TIMP2: variants seen among roughly 807,000 people sequenced by gnomAD.
TIMP2 encodes metalloproteinase inhibitor 2.
In TIMP2, 5 loss-of-function variants were observed where a neutral mutation model predicts 24.3. That is an observed-to-expected ratio of 0.21 (90% confidence interval 0.11 to 0.43). The LOEUF (loss-of-function observed/expected upper bound fraction) is 0.43. Among genes scored for constraint, TIMP2 ranks in the 20% least tolerant of loss-of-function variants. The pLI, the probability that TIMP2 is intolerant of heterozygous loss-of-function variation, is 1.00. For synonymous variants in TIMP2, 130 were observed against 123.2 expected, an observed-to-expected ratio of 1.06 and a Z score of -0.37; for missense variants, 221 against 297.5, an observed-to-expected ratio of 0.74 and a Z score of 1.89.
chr17:78,895,806 G>A (rs921375774), intron 1 of TIMP2, among the ~76,000 whole-genome samples: 1 of 152,176 alleles, frequency 6.6e-6, no homozygotes, highest in African/African-American at 2.4e-5. Flanking sequence ...ATGCCCCTCT[G>A]TGTGTCTCGG....
At position 78,873,800 on chromosome 17, in the gene TIMP2, T is replaced by A. The variant is rs2069705921; in HGVS notation, c.231+19A>T. 1 of 1,604,476 alleles carries A rather than the reference T, an allele frequency of 6.2e-7. No individual in the cohort carries two copies. Among genetic ancestry groups the A allele is most frequent in the East Asian group, 2.2e-5 (1 of 44,810 alleles). On this transcript the variant is annotated intron_variant, in intron 2 of 4. Coordinates refer to ENST00000262768, the MANE Select transcript of TIMP2 (RefSeq NM_003255.5). ...GCTGTGCCCACAGTGCAGCCCGGGATGCCGGCAGCCACTATTACCTTTATC... is the reference window on the plus strand; with the variant it reads ...GCTGTGCCCACAGTGCAGCCCGGGAAGCCGGCAGCCACTATTACCTTTATC...
Position 78,891,053 on chromosome 17 carries a change from G to T in TIMP2, c.131-17134C>A. ...CTGGTCTTGAAGGTGGAGCTGAAGG[G>T]AGCCCTCTGCCAGCGTGCCCAGTTT... is the stretch of plus-strand genomic sequence containing the variant. On this transcript the variant is annotated intron_variant, in intron 1 of 4. Transcript: ENST00000262768. This position sits in a 1 kb window ranked among gnomAD's most constrained non-coding sequence, Gnocchi z 4.5. The T allele has an allele frequency of 6.4e-7, 1 of 1,551,082 alleles. No homozygotes were observed.
At chr17:78,877,502 T>G (rs1432394069) in intron 1 of TIMP2, among the ~76,000 whole-genome samples, 1 of 151,880 alleles carries the variant, frequency 6.6e-6, no homozygotes, top group East Asian at 2.0e-4. Context: ...TGAGCTGAGA[T>G]CATGCCACTG....
intron 1 of TIMP2, chr17:78,897,082 G>T (rs1007752584): frequency 1.2e-6 from 1 of 816,642 alleles, no homozygotes; most frequent in Non-Finnish European, 1.5e-6. Context: ...AAGTGCCAGG[G>T]CCCACAGACA....
At chr17:78,857,498 C>T in intron 4 of TIMP2, 24 bp downstream of exon 4, 1 of 1,613,910 alleles carries the variant, frequency 6.2e-7, no homozygotes, top group Non-Finnish European at 8.5e-7. Flanking sequence ...AGGCGATGCT[C>T]CAGCAGAGGC....
At chr17:78,919,225 T>G (rs2070289655) in intron 1 of TIMP2, among the ~76,000 whole-genome samples, 2 of 152,180 alleles carry the variant, frequency 1.3e-5, no homozygotes, top group South Asian at 4.1e-4. Context: ...CCGCTGTCAT[T>G]CCACAGCCAG....
intron 3 of TIMP2, among the ~76,000 whole-genome samples, chr17:78,861,454 T>C (rs1023358630): frequency 6.6e-6 from 1 of 152,234 alleles, no homozygotes; most frequent in African/African-American, 2.4e-5. Context: ...ATAAGTTTAC[T>C]GATGAGACAC....
intron 1 of TIMP2, among the ~76,000 whole-genome samples, chr17:78,906,032 G>A (rs1161250750): frequency 6.6e-6 from 1 of 152,194 alleles, no homozygotes; most frequent in African/African-American, 2.4e-5. Context: ...AGCCCAGTAA[G>A]TGTGCAATAA....
At chr17:78,908,013 T>C (rs1042605204) in intron 1 of TIMP2, among the ~76,000 whole-genome samples, 16 of 152,140 alleles carry the variant, frequency 1.1e-4, no homozygotes, top group Admixed American at 3.9e-4. Flanking sequence ...TGTGTGTCTG[T>C]GGTCCCAGCT....
intron 1 of TIMP2, chr17:78,902,557 G>A (rs1235160221): frequency 3.3e-5 from 5 of 152,402 alleles, no homozygotes; most frequent in Admixed American, 6.5e-5. Context: ...ATCCTGGGCT[G>A]GGTCAGCTCT....
At chr17:78,890,633 C>T (rs763567061) in intron 1 of TIMP2, 120 of 1,547,386 alleles carry the variant, frequency 7.8e-5, no homozygotes, top group Non-Finnish European at 9.8e-5. Flanking sequence ...GTGGGCCTCT[C>T]GCATTTAGCA....
intron 3 of TIMP2, among the ~76,000 whole-genome samples, chr17:78,865,557 G>A (rs548501693): frequency 6.6e-6 from 1 of 150,788 alleles, no homozygotes; most frequent in African/African-American, 2.4e-5. Context: ...CCGGGAGGCA[G>A]AGGTTGTGGT....
chr17:78,905,279 T>A (rs989150653), intron 1 of TIMP2, among the ~76,000 whole-genome samples: 4 of 152,194 alleles, frequency 2.6e-5, no homozygotes, highest in Admixed American at 2.0e-4. Context: ...CAGGCTGCAT[T>A]ACTGCACCAG....
chr17:78,877,471 C>G (rs1352312718), intron 1 of TIMP2, among the ~76,000 whole-genome samples: 3 of 151,916 alleles, frequency 2.0e-5, no homozygotes, highest in Non-Finnish European at 4.4e-5. Context: ...ATCGCTTGAA[C>G]CCAGGAGGTG....
At chr17:78,887,220 G>A (rs552223613) in intron 1 of TIMP2, among the ~76,000 whole-genome samples, 2 of 152,206 alleles carry the variant, frequency 1.3e-5, no homozygotes, top group East Asian at 1.9e-4. Flanking sequence ...TCTCAGAGGC[G>A]TGCACTTGGG....
intron 1 of TIMP2, among the ~76,000 whole-genome samples, chr17:78,915,502 GC>G (rs1326254587): frequency 6.8e-6 from 1 of 146,874 alleles, no homozygotes; most frequent in Non-Finnish European, 1.5e-5. Context: ...CCTTTTAAAA[GC>G]CGTCTCTCTC....
chr17:78,870,543 G>C (rs372991230), intron 3 of TIMP2, among the ~76,000 whole-genome samples: 1 of 152,064 alleles, frequency 6.6e-6, no homozygotes, highest in Non-Finnish European at 1.5e-5. Flanking sequence ...AGCAGGTCTC[G>C]TGCATAGTAT....
intron 3 of TIMP2, among the ~76,000 whole-genome samples, chr17:78,864,392 CCTT>C (rs1567992052): frequency 4.4e-4 from 67 of 150,720 alleles, no homozygotes; most frequent in East Asian, 3.5e-3. Context: ...TCCCTCCCTT[CCTT>C]CCTTCCTTCC....
intron 1 of TIMP2, among the ~76,000 whole-genome samples, chr17:78,876,329 C>T (rs996610391): frequency 4.6e-5 from 7 of 152,154 alleles, no homozygotes; most frequent in African/African-American, 1.4e-4. Flanking sequence ...GGTGCATCCA[C>T]ACCTCTGAAC....
Sources: gnomAD v4.1 joint callset for allele counts (sites outside exome capture counted in the v4.1 genomes callset) on GRCh38, gnomAD v4.1.1 for gene constraint, Gnocchi (gnomAD v3.1) non-coding constraint, MANE v1.5 for transcripts, NCBI Gene and HGNC (gene_info 2026-07-23, HGNC 2026-07-21) for gene names.